Variants in PLEKHH2 observed in about 807,000 individuals in gnomAD.
PLEKHH2 encodes the protein pleckstrin homology domain-containing family H member 2.
Under a neutral mutation model 187.9 loss-of-function variants are expected in PLEKHH2, and 129 were observed. That is an observed-to-expected ratio of 0.69 (90% confidence interval 0.59 to 0.79). The LOEUF (loss-of-function observed/expected upper bound fraction) is 0.79. Among genes scored for constraint, PLEKHH2 ranks in the 30% least tolerant of loss-of-function variants. The pLI, the probability that PLEKHH2 is intolerant of heterozygous loss-of-function variation, is 0.00. For synonymous variants in PLEKHH2, 686 were observed against 605.6 expected (o/e 1.13, Z -1.95); for missense variants, 2,076 against 1,751.2 (o/e 1.19, Z -3.31).
At chr2:43,703,843 G>A (rs375623529) in intron 8 of PLEKHH2, 138 bp from the exon 9 acceptor site, 2 of 565,980 alleles carry the variant, frequency 3.5e-6, no homozygotes, top group African/African-American at 3.9e-5. Flanking sequence ...ACCGATGATG[G>A]TTTTATAATA....
rs77006940 is a variant in PLEKHH2, at chr2:43,644,640, A to T, written c.-3-31A>T. The T allele has an allele frequency of 0.033, 48,286 of 1,460,294 alleles. 1,219 individuals are homozygous for T. Among genetic ancestry groups the T allele is most frequent in the East Asian group, 0.14 (5,729 of 39,856 alleles). The allele number at this position is 1,460,294 out of a possible 1,614,324, so 90.5% of individuals were successfully genotyped here. On this transcript the variant is annotated intron_variant, in intron 1 of 29. Coordinates refer to ENST00000282406, the MANE Select transcript of PLEKHH2 (RefSeq NM_172069.4). ...GTAGCATTTGAATGTTTTACTTTTT[A>T]ATTTTTTGTTTATTTATTTAATTTT...
intron 23 of PLEKHH2, 40 bp downstream of exon 23, chr2:43,744,029 A>G: frequency 6.3e-7 from 1 of 1,592,400 alleles, no homozygotes; most frequent in East Asian, 2.2e-5. Flanking sequence ...CCCAACGAAC[A>G]GCAAAGAAGC....
intron 3 of PLEKHH2, among the ~76,000 whole-genome samples, chr2:43,682,596 T>C (rs199938306): frequency 1.7e-4 from 26 of 152,276 alleles, no homozygotes; most frequent in East Asian, 1.5e-3. Flanking sequence ...TGAGCCACCG[T>C]GCCCAGCCAA....
intron 3 of PLEKHH2, chr2:43,681,022 C>A (rs1166338951): frequency 7.8e-7 from 1 of 1,277,722 alleles, no homozygotes; most frequent in Admixed American, 2.4e-5. Context: ...CCTGTTCCCT[C>A]AGAATGCCAA....
intron 16 of PLEKHH2, among the ~76,000 whole-genome samples, chr2:43,723,665 C>T (rs1256107800): frequency 9.8e-5 from 15 of 152,332 alleles, no homozygotes; most frequent in Admixed American, 9.8e-4. Flanking sequence ...ACCCTTCTTG[C>T]ACCTGCTGCT....
chr2:43,650,556 A>G (rs1574475970), intron 2 of PLEKHH2, among the ~76,000 whole-genome samples: 1 of 151,974 alleles, frequency 6.6e-6, no homozygotes, highest in African/African-American at 2.4e-5. Context: ...TTTTTTGAGT[A>G]TTTTGCAAAG....
At chr2:43,643,779 T>G (rs995154985) in intron 1 of PLEKHH2, among the ~76,000 whole-genome samples, 1 of 152,076 alleles carries the variant, frequency 6.6e-6, no homozygotes, top group Non-Finnish European at 1.5e-5. Context: ...AATAGCCTGA[T>G]AAAATATTAC....
chr2:43,681,667 C>T (rs1668198011), intron 3 of PLEKHH2: 1 of 599,572 alleles, frequency 1.7e-6, no homozygotes, highest in Admixed American at 2.9e-5. Flanking sequence ...ATCTGAATCA[C>T]TCAACCAAAC....
At chr2:43,648,920 T>C (rs918949259) in intron 2 of PLEKHH2, among the ~76,000 whole-genome samples, 17 of 152,206 alleles carry the variant, frequency 1.1e-4, no homozygotes, top group African/African-American at 4.1e-4. Flanking sequence ...TATTTCTGAA[T>C]TTTTAAAGGA....
Position 43,765,437 on chromosome 2 carries a change from G to T in PLEKHH2, c.4321G>T (p.Ala1441Ser). 4 of 1,613,884 alleles carry T rather than the reference G, an allele frequency of 2.5e-6. No individual in the cohort carries two copies. The highest frequency in any genetic ancestry group is 3.4e-6 in the Non-Finnish European group (4 of 1,179,932). ...PKILEITLLI[A>S]SYINNFHQQK... ...GATTCTTGAAATCACTCTTTTGATC[G>T]CCAGTTACATAAACAACTTCCATCA... is the stretch of plus-strand genomic sequence containing the variant. The change falls in exon 30 of 30, where the codon GCC becomes TCC. Residue 1441 changes from alanine (A) to serine (S), a missense_variant. Transcript: ENST00000282406.
rs370629147 is a variant in PLEKHH2 at position 43,644,763 on chromosome 2, A to G, written c.90A>G (p.Gln30=). The change falls in exon 2 of 30, where the codon CAA becomes CAG. Residue 30 remains glutamine, a synonymous_variant. Coordinates refer to ENST00000282406, the MANE Select transcript of PLEKHH2 (RefSeq NM_172069.4). Reference sequence around the variant, plus strand: ...CCCAACTCATGAAATTTAGAGTTCAAGCAAGCAAGATACGAGAGCTTTTAG... The same window carrying G: ...CCCAACTCATGAAATTTAGAGTTCAGGCAAGCAAGATACGAGAGCTTTTAG... ...LESQLMKFRV[Q]ASKIRELLAE... The G allele has an allele frequency of 8.7e-6, 14 of 1,609,820 alleles. No homozygotes were observed. In the African/African-American group the frequency reaches 1.9e-4, roughly 22 times the overall value.
intron 17 of PLEKHH2, among the ~76,000 whole-genome samples, chr2:43,727,387 G>C (rs1670806635): frequency 7.3e-6 from 1 of 137,538 alleles, no homozygotes; most frequent in South Asian, 2.3e-4. Context: ...ACTCCAGCCT[G>C]GCGACAGAGC....
intron 3 of PLEKHH2, among the ~76,000 whole-genome samples, chr2:43,679,862 G>T (rs919949985): frequency 6.6e-6 from 1 of 152,000 alleles, no homozygotes; most frequent in East Asian, 1.9e-4. Context: ...TGTAATGACA[G>T]GGTCTCACTA....
At chr2:43,715,291 G>GAA in intron 15 of PLEKHH2, among the ~76,000 whole-genome samples, 1 of 149,580 alleles carries the variant, frequency 6.7e-6, no homozygotes, top group African/African-American at 2.4e-5. Flanking sequence ...AAGAAAAAAA[G>GAA]AAAAAAAAAA....
chr2:43,689,520 A>G (rs1463864904), intron 3 of PLEKHH2, among the ~76,000 whole-genome samples: 1 of 152,176 alleles, frequency 6.6e-6, no homozygotes, highest in Non-Finnish European at 1.5e-5. Flanking sequence ...GGTTGTGGTG[A>G]GATGTTTTAA....
rs944453279 is a variant in PLEKHH2, at chr2:43,710,412, C to T, written c.2215-77C>T. The T allele has an allele frequency of 8.9e-6, 14 of 1,580,046 alleles. No individual in the cohort carries two copies. The African/African-American group carries it at 1.2e-4, about 14-fold the overall frequency. On this transcript the variant is annotated intron_variant, in intron 13 of 29. Transcript: ENST00000282406. ...CCTGATTGATTTCCTTCCCATAATG[C>T]AAGTAATGATACAAAGCATTCCTTA...
chr2:43,676,233 G>A, intron 2 of PLEKHH2: 1 of 1,613,982 alleles, frequency 6.2e-7, no homozygotes, highest in Non-Finnish European at 8.5e-7. Context: ...TGTGTCGAAT[G>A]TGAATTTGGC....
In PLEKHH2 at chr2:43,720,660, T is replaced by C. The variant is rs369434200; in HGVS notation, c.2461-9T>C. The C allele has an allele frequency of 3.1e-6, 5 of 1,607,208 alleles. No individual in the cohort carries two copies. Among genetic ancestry groups the C allele is most frequent in the South Asian group, 1.1e-5 (1 of 89,230 alleles). On this transcript the variant is annotated splice_polypyrimidine_tract_variant and intron_variant, in intron 15 of 29. Coordinates refer to ENST00000282406, the MANE Select transcript of PLEKHH2 (RefSeq NM_172069.4). Reference sequence around the variant, plus strand: ...GCTAAACTTGTAATTCATTGAAATATGGTTTCAGGTAAAACATGGATATTC... The same window carrying C: ...GCTAAACTTGTAATTCATTGAAATACGGTTTCAGGTAAAACATGGATATTC...
chr2:43,704,053 A>G lies in PLEKHH2; in HGVS notation c.1723A>G (p.Lys575Glu). ...GGCCTTCAATATGGAGAGTGTTAAT[A>G]AAAGTAAGTGCTTTTTCATGCTGCC... ...SEAFNMESVN[K>E]NSAATLSYTT... is the part of the protein sequence containing the mutation. Residue 575 changes from lysine (K) to glutamate (E), a missense_variant, in exon 9 of 30, where the codon AAA becomes GAA. Lys to Glu is a moderately conservative substitution (Grantham distance 56, BLOSUM62 1). Coordinates refer to ENST00000282406, the MANE Select transcript of PLEKHH2 (RefSeq NM_172069.4). 1 of 1,594,584 alleles carries G rather than the reference A, an allele frequency of 6.3e-7. No homozygotes were observed. Among genetic ancestry groups the G allele is most frequent in the Non-Finnish European group, 8.6e-7 (1 of 1,163,810 alleles).
Sources: allele counts gnomAD v4.1 joint callset (sites outside exome capture counted in the v4.1 genomes callset), GRCh38; gene constraint gnomAD v4.1.1; transcripts MANE v1.5; gene names NCBI Gene and HGNC (gene_info 2026-07-23, HGNC 2026-07-21).